Variants in TRIO observed in about 807,000 individuals in gnomAD.
The protein encoded by TRIO is trio Rho guanine nucleotide exchange factor, also known as triple functional domain protein.
In TRIO, 58 loss-of-function variants were observed where a neutral mutation model predicts 351.9. That is an observed-to-expected ratio of 0.16 (90% CI 0.13 to 0.21). The LOEUF is 0.21. Among genes scored for constraint, TRIO ranks in the 10% least tolerant of loss-of-function variants. The pLI, the probability that TRIO is intolerant of heterozygous loss-of-function variation, is 1.00. For synonymous variants in TRIO, 1,758 were observed against 1,595.7 expected, an observed-to-expected ratio of 1.10 and a Z score of -2.42; for missense variants, 3,201 against 4,027.8, an observed-to-expected ratio of 0.79 and a Z score of 5.56.
intron 12 of TRIO, 131 bp from the exon 13 acceptor site, chr5:14,359,226 T>C (rs955588518): frequency 1.3e-5 from 14 of 1,105,010 alleles, no homozygotes; most frequent in Non-Finnish European, 1.8e-5. Flanking sequence ...GAGCAGCCCG[T>C]TCCATTTTCT....
intron 26 of TRIO, 173 bp downstream of exon 26, chr5:14,390,473 G>C: frequency 1.6e-6 from 1 of 640,088 alleles, no homozygotes; most frequent in Non-Finnish European, 2.7e-6. Flanking sequence ...TTTTTGTGGA[G>C]TGAGTTTTTT....
chr5:14,383,623 G>A (rs10055282), intron 21 of TRIO, among the ~76,000 whole-genome samples: 178 of 152,304 alleles, frequency 1.2e-3, no homozygotes, highest in African/African-American at 3.8e-3. Context: ...CAGATATGTA[G>A]AACTGTTTCT....
chr5:14,158,685 G>C (rs1036686821), intron 1 of TRIO, among the ~76,000 whole-genome samples: 1 of 152,026 alleles, frequency 6.6e-6, no homozygotes, highest in Non-Finnish European at 1.5e-5. Flanking sequence ...TTTAAAATTC[G>C]CTGGGCTTGG....
intron 1 of TRIO, among the ~76,000 whole-genome samples, chr5:14,161,258 C>G (rs1381528195): frequency 6.6e-6 from 1 of 152,120 alleles, no homozygotes; most frequent in African/African-American, 2.4e-5. Flanking sequence ...CTGGGCAGAC[C>G]TCCTGGGAAA....
intron 34 of TRIO, among the ~76,000 whole-genome samples, chr5:14,439,314 C>G (rs751557259): frequency 6.6e-6 from 1 of 152,190 alleles, no homozygotes; most frequent in Non-Finnish European, 1.5e-5. Flanking sequence ...GCGCCTGGCC[C>G]AAACTTGAGA....
intron 1 of TRIO, among the ~76,000 whole-genome samples, chr5:14,228,917 A>G (rs185447326): frequency 6.6e-6 from 1 of 152,262 alleles, no homozygotes; most frequent in East Asian, 1.9e-4. Flanking sequence ...TAATTCATAG[A>G]GTCAAGCCAT....
intron 33 of TRIO, among the ~76,000 whole-genome samples, chr5:14,413,073 G>T (rs1749337724): frequency 6.6e-6 from 1 of 152,182 alleles, no homozygotes; most frequent in East Asian, 1.9e-4. Flanking sequence ...GCCTCACTCG[G>T]GCTATTGGCC....
intron 10 of TRIO, among the ~76,000 whole-genome samples, chr5:14,333,395 T>A (rs996050748): frequency 4.6e-5 from 7 of 152,306 alleles, no homozygotes; most frequent in African/African-American, 1.4e-4. Context: ...GAAAAGACGA[T>A]CCCTGGGAAT....
intron 34 of TRIO, among the ~76,000 whole-genome samples, chr5:14,449,093 G>T (rs558884856): frequency 6.6e-6 from 1 of 152,288 alleles, no homozygotes; most frequent in East Asian, 1.9e-4. Context: ...GGCCTACAGA[G>T]TTGGGTTAAA....
chr5:14,400,658 T>C (rs1163548179), intron 30 of TRIO, among the ~76,000 whole-genome samples: 1 of 152,210 alleles, frequency 6.6e-6, no homozygotes, highest in Non-Finnish European at 1.5e-5. Context: ...TTGCAAATAG[T>C]CGAATCTTGA....
chr5:14,157,547 C>G (rs1788186526), intron 1 of TRIO, among the ~76,000 whole-genome samples: 1 of 149,460 alleles, frequency 6.7e-6, no homozygotes, highest in South Asian at 2.1e-4. Flanking sequence ...CTCTCCCTGT[C>G]TCTCTCTCTC....
At chr5:14,281,036 C>T (rs928091354) in intron 3 of TRIO, among the ~76,000 whole-genome samples, 4 of 152,030 alleles carry the variant, frequency 2.6e-5, no homozygotes, top group Non-Finnish European at 5.9e-5. Context: ...TAGGAGCTGG[C>T]CTGTGTGTAT....
At chr5:14,256,290 G>C (rs1430787307) in intron 1 of TRIO, among the ~76,000 whole-genome samples, 1 of 152,142 alleles carries the variant, frequency 6.6e-6, no homozygotes, top group African/African-American at 2.4e-5. Flanking sequence ...ACAGCACCAA[G>C]ACATTCATGA....
intron 1 of TRIO, among the ~76,000 whole-genome samples, chr5:14,262,950 GC>G (rs1406782007): frequency 1.3e-5 from 2 of 151,982 alleles, no homozygotes; most frequent in Non-Finnish European, 2.9e-5. Context: ...CACTATAATA[GC>G]CCACCCCACC....
intron 9 of TRIO, among the ~76,000 whole-genome samples, chr5:14,324,362 CATT>C (rs1271851215): frequency 1.3e-5 from 2 of 152,172 alleles, no homozygotes; most frequent in Non-Finnish European, 2.9e-5. Context: ...AAGGGGTTCT[CATT>C]GTTTTGACTT....
intron 33 of TRIO, among the ~76,000 whole-genome samples, chr5:14,410,254 C>T (rs148481546): frequency 1.3e-5 from 2 of 152,270 alleles, no homozygotes; most frequent in African/African-American, 4.8e-5. Context: ...AGAAGGTGCA[C>T]GTTTGCTGCC....
At chr5:14,340,391 C>A (rs184894355) in intron 11 of TRIO, among the ~76,000 whole-genome samples, 1 of 129,424 alleles carries the variant, frequency 7.7e-6, no homozygotes, top group African/African-American at 2.9e-5. Flanking sequence ...AGCAAGACTC[C>A]GTCTGGAAAA....
At chr5:14,212,409 C>T (rs1791963557) in intron 1 of TRIO, among the ~76,000 whole-genome samples, 1 of 152,182 alleles carries the variant, frequency 6.6e-6, no homozygotes, top group South Asian at 2.1e-4. Context: ...CTCCAGCCAA[C>T]TTCTGTGAAC....
chr5:14,483,271 G>C (rs1228820974), intron 46 of TRIO, among the ~76,000 whole-genome samples: 3 of 152,200 alleles, frequency 2.0e-5, no homozygotes, highest in Non-Finnish European at 4.4e-5. Context: ...GAGGGACAAA[G>C]AAAATAATTG....
Sources: gnomAD v4.1 joint callset for allele counts (sites outside exome capture counted in the v4.1 genomes callset) on GRCh38, gnomAD v4.1.1 for gene constraint, MANE v1.5 for transcripts, NCBI Gene and HGNC (gene_info 2026-07-23, HGNC 2026-07-21) for gene names.